Variants in PCDHGA7 observed in about 807,000 individuals in gnomAD.
The protein encoded by PCDHGA7 is protocadherin gamma-A7.
In PCDHGA7, 44 loss-of-function variants were observed where a neutral mutation model predicts 58.3. The ratio of observed to expected loss-of-function variants is 0.75; its 90% CI spans 0.59 to 0.97. The LOEUF (loss-of-function observed/expected upper bound fraction) is 0.97. PCDHGA7 is among the 50% of genes least tolerant of loss of function. PCDHGA7 has a pLI of 0.00. For synonymous variants in PCDHGA7, 516 were observed against 504.2 expected (o/e 1.02, Z -0.31); for missense variants, 1,266 against 1,188.7 (o/e 1.06, Z -0.96).
At chr5:141,419,630 G>T in intron 1 of PCDHGA7, 2 of 1,612,430 alleles carry the variant, frequency 1.2e-6, no homozygotes, top group African/African-American at 1.3e-5. Flanking sequence ...GGTGACCAAG[G>T]TGGTGGCCGT....
At position 141,431,108 on chromosome 5, in the gene PCDHGA7, T is replaced by C; in HGVS notation, c.2424+45785T>C. 1 of 1,614,180 alleles carries C rather than the reference T, an allele frequency of 6.2e-7. No homozygotes were observed. The highest frequency in any genetic ancestry group is 8.5e-7 in the Non-Finnish European group (1 of 1,180,032). On this transcript the variant is annotated intron_variant, in intron 1 of 3. Coordinates refer to ENST00000518325, the MANE Select transcript of PCDHGA7 (RefSeq NM_018920.4). This position sits in a 1 kb window ranked among gnomAD's most constrained non-coding sequence, Gnocchi z 4.8. ...TCTGATGGAGGATAAAGTGAAAATATATGGAGTAGAAGTAGAAGTAAGGGA... is the reference window on the plus strand; with the variant it reads ...TCTGATGGAGGATAAAGTGAAAATACATGGAGTAGAAGTAGAAGTAAGGGA...
chr5:141,476,382 A>G lies in PCDHGA7; in HGVS notation c.2425-18425A>G, dbSNP rs777831089. ...CGGGAGACCGGAGAGATGTTTGTGA[A>G]CGACCGTCTGGATCGAGAGGAGCTG... On this transcript the variant is annotated intron_variant, in intron 1 of 3. Transcript: ENST00000518325. This position sits in a 1 kb window ranked among gnomAD's most constrained non-coding sequence, Gnocchi z 7.6. 3.7e-6 allele frequency: 6 copies of G among 1,613,866 alleles called. No individual in the cohort carries two copies. The East Asian group carries it at 1.3e-4, about 36-fold the overall frequency.
intron 1 of PCDHGA7, chr5:141,427,957 C>T: frequency 2.5e-6 from 4 of 1,588,402 alleles, no homozygotes; most frequent in South Asian, 1.1e-5. Context: ...GACAATGTGC[C>T]GCGGGTGCTG....
intron 1 of PCDHGA7, among the ~76,000 whole-genome samples, chr5:141,457,171 T>C (rs1337137368): frequency 3.3e-5 from 5 of 152,216 alleles, no homozygotes; most frequent in Non-Finnish European, 7.3e-5. Flanking sequence ...GATAACCCTA[T>C]TGCAAATAGT....
At position 141,415,600 on chromosome 5, in the gene PCDHGA7, C is replaced by G. The variant is rs778987183; in HGVS notation, c.2424+30277C>G. ...TTCGAAGTTTCCTATAGAGGATACC[C>G]CATTGGTTCCAGTGAGTTTTATTTT... On this transcript the variant is annotated intron_variant, in intron 1 of 3. Coordinates refer to ENST00000518325, the MANE Select transcript of PCDHGA7 (RefSeq NM_018920.4). 24 of 1,613,588 alleles carry G rather than the reference C, an allele frequency of 1.5e-5. No individual in the cohort carries two copies. In the Middle Eastern group the frequency reaches 1.2e-3, roughly 77 times the overall value.
chr5:141,456,884 A>G (rs1448469695), intron 1 of PCDHGA7, among the ~76,000 whole-genome samples: 1 of 151,974 alleles, frequency 6.6e-6, no homozygotes, highest in East Asian at 1.9e-4. Flanking sequence ...AATCGCTTGA[A>G]CCCGGGAGGC....
intron 1 of PCDHGA7, among the ~76,000 whole-genome samples, chr5:141,472,718 G>A (rs980710833): frequency 1.3e-5 from 2 of 152,002 alleles, no homozygotes; most frequent in Non-Finnish European, 2.9e-5. Context: ...AGGCGCTGTG[G>A]CTCACACCTG....
chr5:141,415,848 A>C (rs1222834072), intron 1 of PCDHGA7: 1 of 1,241,178 alleles, frequency 8.1e-7, no homozygotes, highest in Non-Finnish European at 1.0e-6. Context: ...GCTTTGCAGA[A>C]CCTTGTAGTT....
At position 141,489,760 on chromosome 5, in the gene PCDHGA7, C is replaced by A; in HGVS notation, c.2425-5047C>A. 1 of 1,614,086 alleles carries A rather than the reference C, an allele frequency of 6.2e-7. No individual in the cohort carries two copies. Among genetic ancestry groups the A allele is most frequent in the Non-Finnish European group, 8.5e-7 (1 of 1,179,970 alleles). On this transcript the variant is annotated intron_variant, in intron 1 of 3. Coordinates refer to ENST00000518325, the MANE Select transcript of PCDHGA7 (RefSeq NM_018920.4). This position sits in a 1 kb window ranked among gnomAD's most constrained non-coding sequence, Gnocchi z 4.5. ...TACTGTGAGCTTTTACACTCTAAGC[C>A]CCAACAGCCACTTCTCTCTGAATGT...
chr5:141,491,047 G>A lies in PCDHGA7; in HGVS notation c.2425-3760G>A, dbSNP rs751761240. On this transcript the variant is annotated intron_variant, in intron 1 of 3. Coordinates refer to ENST00000518325, the MANE Select transcript of PCDHGA7 (RefSeq NM_018920.4). The surrounding 1 kb of genome is among the most constrained non-coding windows in gnomAD (Gnocchi z 6.9). Reference sequence around the variant, plus strand: ...CGTGGATGCTGATGCAGGCCACAATGCGTGGCTCTCCTACTCACTGTTGCC... The same window carrying A: ...CGTGGATGCTGATGCAGGCCACAATACGTGGCTCTCCTACTCACTGTTGCC... 4 of 1,614,054 alleles carry A rather than the reference G, an allele frequency of 2.5e-6. No homozygotes were observed. Among genetic ancestry groups the A allele is most frequent in the Non-Finnish European group, 3.4e-6 (4 of 1,180,034 alleles).
intron 1 of PCDHGA7, chr5:141,399,529 G>C: frequency 6.2e-7 from 1 of 1,614,010 alleles, no homozygotes; most frequent in African/African-American, 1.3e-5. Context: ...GGCCTCCATC[G>C]CGCAAGTCTG....
intron 1 of PCDHGA7, chr5:141,423,850 A>G: frequency 1.6e-6 from 2 of 1,278,674 alleles, no homozygotes; most frequent in East Asian, 3.1e-5. Flanking sequence ...ATCTTTCAGA[A>G]CGTTTTTGTG....
rs776975666 is a variant in PCDHGA7 at position 141,432,850 on chromosome 5, G to A, written c.2424+47527G>A. The A allele has an allele frequency of 6.2e-7, 1 of 1,614,170 alleles. No homozygotes were observed. The highest frequency in any genetic ancestry group is 1.1e-5 in the South Asian group (1 of 91,088). ...TCACTCTGTACCTGGTGGTAGCGGT[G>A]GCCGCGGTCTCCTGCGTCTTCCTGG... is the stretch of plus-strand genomic sequence containing the variant. On this transcript the variant is annotated intron_variant, in intron 1 of 3. Coordinates refer to ENST00000518325, the MANE Select transcript of PCDHGA7 (RefSeq NM_018920.4). The surrounding 1 kb of genome is among the most constrained non-coding windows in gnomAD (Gnocchi z 6.0).
In PCDHGA7 at chr5:141,477,891, G is replaced by T. The variant is rs750359063; in HGVS notation, c.2425-16916G>T. 10 of 1,614,066 alleles carry T rather than the reference G, an allele frequency of 6.2e-6. No individual in the cohort carries two copies. The African/African-American group carries it at 1.2e-4, about 19-fold the overall frequency. ...ACCTCAGCTGGCCACCTAGTGTCAC[G>T]GGTGGTAGGCTGGGACGCGGATGCA... is the stretch of plus-strand genomic sequence containing the variant. On this transcript the variant is annotated intron_variant, in intron 1 of 3. Coordinates refer to ENST00000518325, the MANE Select transcript of PCDHGA7 (RefSeq NM_018920.4). This position sits in a 1 kb window ranked among gnomAD's most constrained non-coding sequence, Gnocchi z 4.9.
Position 141,384,941 on chromosome 5 carries a change from C to G in PCDHGA7, c.2042C>G (p.Ser681Cys). The G allele has an allele frequency of 6.2e-7, 1 of 1,614,104 alleles. No individual in the cohort carries two copies. Among genetic ancestry groups the G allele is most frequent in the Non-Finnish European group, 8.5e-7 (1 of 1,180,022 alleles). The change falls in exon 1 of 4, where the codon TCC becomes TGC. Residue 681 changes from serine (S) to cysteine (C), a missense_variant. Transcript: ENST00000518325. ...GCCGACCTGGGCAGCCTTGAGCCCT[C>G]CGACGGTCCTTACAACTATGACCTC... ...VLADLGSLEP[S>C]DGPYNYDLTL...
At chr5:141,415,285 G>A (rs1561755891) in intron 1 of PCDHGA7, 3 of 1,614,216 alleles carry the variant, frequency 1.9e-6, no homozygotes, top group Non-Finnish European at 2.5e-6. Context: ...GGTGGCCGCG[G>A]TCTCCTGCGT....
chr5:141,477,634 G>C lies in PCDHGA7; in HGVS notation c.2425-17173G>C. 2 of 1,614,176 alleles carry C rather than the reference G, an allele frequency of 1.2e-6. No individual in the cohort carries two copies. Among genetic ancestry groups the C allele is most frequent in the Non-Finnish European group, 1.7e-6 (2 of 1,180,034 alleles). On this transcript the variant is annotated intron_variant, in intron 1 of 3. Transcript: ENST00000518325. This position sits in a 1 kb window ranked among gnomAD's most constrained non-coding sequence, Gnocchi z 4.9. Reference sequence around the variant, plus strand: ...AGCAAGGAGCTGAAACCGGGCTAGTGGGTCGCTATTTCACAATAAATCGTG... The same window carrying C: ...AGCAAGGAGCTGAAACCGGGCTAGTCGGTCGCTATTTCACAATAAATCGTG...
intron 1 of PCDHGA7, chr5:141,410,849 CTT>C (rs759346998): frequency 0.032 from 4,298 of 136,266 alleles, no homozygotes; most frequent in South Asian, 0.069. Flanking sequence ...TTGTCTTTGT[CTT>C]TTTTTTTTTT....
At chr5:141,504,671 G>C (rs1459848730) in intron 2 of PCDHGA7, among the ~76,000 whole-genome samples, 1 of 111,068 alleles carries the variant, frequency 9.0e-6, no homozygotes, top group East Asian at 3.2e-4. Context: ...GGGGGGTGGG[G>C]GTTCTTGTAA....
Sources: gnomAD v4.1 joint callset for allele counts (sites outside exome capture counted in the v4.1 genomes callset) on GRCh38, gnomAD v4.1.1 for gene constraint, Gnocchi (gnomAD v3.1) non-coding constraint, MANE v1.5 for transcripts, NCBI Gene and HGNC (gene_info 2026-07-23, HGNC 2026-07-21) for gene names.